The following METAP1 variants were observed in gnomAD, a reference collection of about 807,000 sequenced individuals.
METAP1 encodes the protein methionyl aminopeptidase 1, also known as methionine aminopeptidase 1.
Under a neutral mutation model 53.8 loss-of-function variants are expected in METAP1, and 28 were observed. The observed-to-expected ratio is 0.52, with a 90% CI of 0.39 to 0.71. The LOEUF (loss-of-function observed/expected upper bound fraction) is 0.71, where lower values mean the gene tolerates loss of function less well. Ranked by LOEUF, METAP1 falls within the 30% of genes least tolerant of loss-of-function variation. METAP1 has a pLI of 0.00. For synonymous variants in METAP1, 181 were observed against 165.7 expected (o/e 1.09, Z -0.71); for missense variants, 389 against 479.8 (o/e 0.81, Z 1.77).
intron 1 of METAP1, among the ~76,000 whole-genome samples, chr4:99,000,910 G>T (rs1722892612): frequency 6.6e-6 from 1 of 152,066 alleles, no homozygotes; most frequent in Non-Finnish European, 1.5e-5. Flanking sequence ...TCACCGTGTT[G>T]CCCAGGCTGG....
chr4:99,023,411 T>C, intron 1 of METAP1: 2 of 886,064 alleles, frequency 2.3e-6, no homozygotes, highest in Non-Finnish European at 2.7e-6. Flanking sequence ...TTTGTAAGTA[T>C]TTATATATAT....
chr4:99,022,519 T>A, intron 1 of METAP1: 1 of 633,552 alleles, frequency 1.6e-6, no homozygotes, highest in Non-Finnish European at 2.9e-6. Context: ...GCCATCTGGG[T>A]GAGCAAGATC....
intron 9 of METAP1, among the ~76,000 whole-genome samples, chr4:99,052,516 AAGAG>A (rs1049098064): frequency 6.6e-6 from 1 of 152,182 alleles, no homozygotes; most frequent in Admixed American, 6.5e-5. Context: ...GAGCAGGAGC[AAGAG>A]AGAGAGTGCA....
intron 10 of METAP1, 93 bp downstream of exon 10, chr4:99,057,911 T>C (rs1212347674): frequency 1.9e-6 from 2 of 1,080,746 alleles, no homozygotes; most frequent in Non-Finnish European, 2.7e-6. Flanking sequence ...CCTGCTTGCT[T>C]TTTGCTTCCT....
chr4:99,012,078 T>C lies in METAP1; in HGVS notation c.114+16211T>C, dbSNP rs926440465. ...CTTTCTTTTCATTGTTTTTATTTTT[T>C]TGGGTAAAGATGGGGTCTTGCTGTG... On this transcript the variant is annotated intron_variant, in intron 1 of 10. Coordinates refer to ENST00000296411, the MANE Select transcript of METAP1 (RefSeq NM_015143.3). Among the ~76,000 whole-genome samples, 7 of 152,278 alleles carry C rather than the reference T, an allele frequency of 4.6e-5. 1 individual carries two copies. Among genetic ancestry groups the C allele is most frequent in the Admixed American group, 3.3e-4 (5 of 15,296 alleles).
chr4:99,030,662 A>G (rs1228422597), intron 2 of METAP1, among the ~76,000 whole-genome samples: 1 of 152,166 alleles, frequency 6.6e-6, no homozygotes, highest in African/African-American at 2.4e-5. Context: ...GCATTGGGGA[A>G]ACAGAATGTT....
At chr4:99,050,167 G>A (rs1726592650) in intron 9 of METAP1, among the ~76,000 whole-genome samples, 2 of 152,158 alleles carry the variant, frequency 1.3e-5, no homozygotes, top group South Asian at 4.1e-4. Flanking sequence ...CAGTTGGTGG[G>A]TGAACATGGG....
intron 1 of METAP1, among the ~76,000 whole-genome samples, chr4:99,009,898 G>C (rs1723385389): frequency 6.6e-6 from 1 of 152,028 alleles, no homozygotes; most frequent in South Asian, 2.1e-4. Flanking sequence ...GTCTGTTTTT[G>C]CTTTAATTGC....
chr4:99,032,217 T>TTTTGG (rs1319689557), intron 2 of METAP1, among the ~76,000 whole-genome samples: 1 of 151,664 alleles, frequency 6.6e-6, no homozygotes, highest in African/African-American at 2.4e-5. Flanking sequence ...TTCGTTTTTT[T>TTTTGG]TTTGTTTTGT....
rs1290822054 is a variant in METAP1, at chr4:99,062,108, CTGTT to C, written c.*794_*797del. On this transcript the variant is annotated 3_prime_UTR_variant, in exon 11 of 11. Transcript: ENST00000296411. The stretch of plus-strand genomic sequence containing the variant: ...CATAATACACTGCTATTTCAGACCT[CTGTT>C]TGGTCAGAAATGGAAAAGAAAAAGC... The C allele has an allele frequency of 1.3e-5, 2 of 152,292 alleles. No homozygotes were observed. The highest frequency in any genetic ancestry group is 2.4e-5 in the African/African-American group (1 of 41,544). The allele number at this position is 152,292 out of a possible 1,614,324, so 9.4% of individuals were successfully genotyped here. A position where few individuals can be genotyped will look rare whatever the true frequency, so the allele number is the denominator to read the frequency against.
chr4:99,039,354 T>A lies in METAP1; in HGVS notation c.341-20T>A. On this transcript the variant is annotated intron_variant, in intron 4 of 10. Transcript: ENST00000296411. ...ATCTTTGCATTCATTTTGGTTTTAC[T>A]TACCGAATTTTCATTCCAGGAATGT... The A allele has an allele frequency of 6.5e-7, 1 of 1,530,628 alleles. No individual in the cohort carries two copies. The highest frequency in any genetic ancestry group is 1.4e-5 in the African/African-American group (1 of 72,956). The allele number at this position is 1,530,628 out of a possible 1,614,324, so 94.8% of individuals were successfully genotyped here. A position where few individuals can be genotyped will look rare whatever the true frequency, so the allele number is the denominator to read the frequency against.
At chr4:99,039,955 G>T (rs151218698) in intron 5 of METAP1, among the ~76,000 whole-genome samples, 107 of 152,158 alleles carry the variant, frequency 7.0e-4, no homozygotes, top group African/African-American at 2.5e-3. Context: ...TCTAACTCCT[G>T]ACGTAAGGTG....
intron 1 of METAP1, among the ~76,000 whole-genome samples, chr4:99,024,964 A>G (rs1372282090): frequency 2.0e-5 from 3 of 152,234 alleles, no homozygotes; most frequent in Non-Finnish European, 4.4e-5. Context: ...GATTCTCACA[A>G]GGAGTGTGCA....
chr4:99,041,203 T>A, intron 6 of METAP1, 77 bp downstream of exon 6: 1 of 1,043,006 alleles, frequency 9.6e-7, no homozygotes, highest in South Asian at 1.8e-5. Context: ...TAAGTAGATT[T>A]AAGTTCTGAG....
chr4:98,997,343 C>G (rs1003583578), intron 1 of METAP1: 3 of 152,864 alleles, frequency 2.0e-5, no homozygotes, highest in African/African-American at 7.2e-5. Context: ...GAAAAACTTG[C>G]ACGTGGAGGA....
intron 1 of METAP1, chr4:99,022,299 C>A: frequency 1.5e-6 from 1 of 680,436 alleles, no homozygotes; most frequent in Non-Finnish European, 2.2e-6. Context: ...ATGGAAGGGG[C>A]CTCCCTTGCC....
chr4:99,056,555 G>GT (rs200434888), intron 9 of METAP1, among the ~76,000 whole-genome samples: 5,072 of 151,186 alleles, frequency 0.034, 95 homozygotes, highest in African/African-American at 0.042. Flanking sequence ...TTTGTTTTTT[G>GT]TTTTTTTTGT....
chr4:99,013,031 A>G (rs956827014), intron 1 of METAP1, among the ~76,000 whole-genome samples: 1 of 152,172 alleles, frequency 6.6e-6, no homozygotes, highest in African/African-American at 2.4e-5. Flanking sequence ...GGTTCTTACT[A>G]TGCATCCCGT....
intron 1 of METAP1, among the ~76,000 whole-genome samples, chr4:99,012,652 GTTTTTTT>G (rs78437310): frequency 5.5e-5 from 5 of 90,386 alleles, no homozygotes; most frequent in Admixed American, 1.4e-4. Flanking sequence ...ATCCCATAAA[GTTTTTTT>G]TTTTTTTTTT....
Sources: allele counts gnomAD v4.1 joint callset (sites outside exome capture counted in the v4.1 genomes callset), GRCh38; gene constraint gnomAD v4.1.1; transcripts MANE v1.5; gene names NCBI Gene and HGNC (gene_info 2026-07-23, HGNC 2026-07-21).